SETX: variants seen among roughly 807,000 people sequenced by gnomAD.
SETX encodes helicase senataxin.
SETX carries 90 observed loss-of-function variants against 227.2 expected under a neutral mutation model. The ratio of observed to expected loss-of-function variants is 0.40; its 90% CI spans 0.33 to 0.47. SETX has a LOEUF of 0.47. SETX is among the 20% of genes least tolerant of loss of function. The pLI is 0.91. For missense variants in SETX, 3,052 were observed against 3,181.5 expected, an observed-to-expected ratio of 0.96 and a Z score of 0.98; for synonymous variants, 1,210 against 1,113.2, an observed-to-expected ratio of 1.09 and a Z score of -1.73.
rs373142566 is a variant in SETX at position 132,264,557 on chromosome 9, C to T, written c.7716G>A (p.Thr2572=). 20 of 1,614,076 alleles carry T rather than the reference C, an allele frequency of 1.2e-5. No individual in the cohort carries two copies. The African/African-American group carries it at 1.6e-4, about 13-fold the overall frequency. Reference sequence around the variant, plus strand: ...GAACGACAGGGAAGCCCGGCTCGCCCGTAGGAGGTGTTGCTCCAGGATGCT... The same window carrying T: ...GAACGACAGGGAAGCCCGGCTCGCCTGTAGGAGGTGTTGCTCCAGGATGCT... ...SPQHPGATPP[T]GEPGFPVVHQ... The change falls in exon 26 of 26, where the codon ACG becomes ACA. Residue 2572 remains threonine, a synonymous_variant. Coordinates refer to ENST00000224140, the MANE Select transcript of SETX (RefSeq NM_015046.7).
At chr9:132,316,097 C>CT (rs1457619373) in intron 10 of SETX, among the ~76,000 whole-genome samples, 1 of 152,176 alleles carries the variant, frequency 6.6e-6, no homozygotes, top group Non-Finnish European at 1.5e-5. Context: ...AAATGACATC[C>CT]TAAGACATAG....
chr9:132,352,494 G>GT (rs1473144739), intron 2 of SETX, among the ~76,000 whole-genome samples: 6 of 152,176 alleles, frequency 3.9e-5, no homozygotes, highest in African/African-American at 1.4e-4. Context: ...GCTCACACCT[G>GT]TAATTCCAGC....
chr9:132,295,438 G>A (rs1844612627), intron 15 of SETX, among the ~76,000 whole-genome samples: 1 of 152,146 alleles, frequency 6.6e-6, no homozygotes. Flanking sequence ...AACCATCTGA[G>A]GCTCTCTTGC....
Position 132,311,745 on chromosome 9 carries a change from G to C in SETX, c.5374+12C>G. On this transcript the variant is annotated intron_variant, in intron 11 of 25. Transcript: ENST00000224140. ...ATATCATATATTCCAAGTTGCGTAA[G>C]AAAAAACTTACCTGCAAACTCCCAG... The C allele has an allele frequency of 6.3e-7, 1 of 1,584,984 alleles. No homozygotes were observed. The highest frequency in any genetic ancestry group is 8.7e-7 in the Non-Finnish European group (1 of 1,154,712).
At chr9:132,274,440 C>CTTT (rs1346968200) in intron 23 of SETX, among the ~76,000 whole-genome samples, 2 of 132,486 alleles carry the variant, frequency 1.5e-5, no homozygotes, top group Admixed American at 1.5e-4. Context: ...CTGATTTTTT[C>CTTT]TTTTTTTTTT....
rs1025015985 is a variant in SETX at position 132,302,890 on chromosome 9, C to T, written c.5375-2087G>A. Reference sequence around the variant, plus strand: ...AAAGAAAACGGTGTTTAAAAGCAGACCTGCAATCAAGATCAACTGATATTC... The same window carrying T: ...AAAGAAAACGGTGTTTAAAAGCAGATCTGCAATCAAGATCAACTGATATTC... On this transcript the variant is annotated intron_variant, in intron 11 of 25. Coordinates refer to ENST00000224140, the MANE Select transcript of SETX (RefSeq NM_015046.7). 2.0e-4 allele frequency among the ~76,000 whole-genome samples: 31 copies of T among 152,172 alleles called. No individual in the cohort carries two copies. In the South Asian group the frequency reaches 2.9e-3, roughly 14 times the overall value.
chr9:132,310,517 A>G (rs1845585823), intron 11 of SETX, among the ~76,000 whole-genome samples: 1 of 152,216 alleles, frequency 6.6e-6, no homozygotes, highest in Non-Finnish European at 1.5e-5. Flanking sequence ...CTATCCTTCA[A>G]AAGACCTGCT....
intron 15 of SETX, among the ~76,000 whole-genome samples, chr9:132,292,099 T>C (rs1807461851): frequency 6.6e-6 from 1 of 152,168 alleles, no homozygotes; most frequent in Admixed American, 6.5e-5. Flanking sequence ...CCTTATACTT[T>C]CCTACCCCTA....
Position 132,264,827 on chromosome 9 carries a change from C to G in SETX, c.7446G>C (p.Glu2482Asp), listed in dbSNP as rs748683260. The change falls in exon 26 of 26, where the codon GAG becomes GAC. Residue 2482 changes from glutamate (E) to aspartate (D), a missense_variant. Transcript: ENST00000224140. ...SLTHPPTIAPEGSRPQGGLPS... is the reference protein window; with the variant it reads ...SLTHPPTIAPDGSRPQGGLPS... ...GCAAACCACCCTGGGGTCTGGACCC[C>G]TCTGGGGCTATGGTAGGAGGGTGAG... The G allele has an allele frequency of 4.3e-6, 7 of 1,614,198 alleles. No individual in the cohort carries two copies. In the South Asian group the frequency reaches 7.7e-5, roughly 18 times the overall value.
At chr9:132,341,164 T>C (rs748594423) in intron 5 of SETX, among the ~76,000 whole-genome samples, 1 of 152,124 alleles carries the variant, frequency 6.6e-6, no homozygotes, top group Non-Finnish European at 1.5e-5. Context: ...CTGGCCAACC[T>C]GGTGAAACCC....
At chr9:132,344,482 T>TG (rs2131549111) in intron 4 of SETX, among the ~76,000 whole-genome samples, 2 of 152,308 alleles carry the variant, frequency 1.3e-5, no homozygotes, top group East Asian at 3.9e-4. Flanking sequence ...ATGTACCAAA[T>TG]GCAATGTGTG....
rs1367026412 is a variant in SETX at position 132,261,654 on chromosome 9, TCAG to T, written c.*2582_*2584del. The T allele has an allele frequency of 6.5e-6, 1 of 152,892 alleles. No individual in the cohort carries two copies. Among genetic ancestry groups the T allele is most frequent in the Non-Finnish European group, 1.5e-5 (1 of 68,210 alleles). The allele number at this position is 152,892 out of a possible 1,614,324, so 9.5% of individuals were successfully genotyped here. On this transcript the variant is annotated 3_prime_UTR_variant, in exon 26 of 26. Transcript: ENST00000224140. ...AATCTGCACAACTTTAAAAAATAGTTCAGTACATTTTTGTTATAAAATTCATTT... is the reference window on the plus strand; with the variant it reads ...AATCTGCACAACTTTAAAAAATAGTTTACATTTTTGTTATAAAATTCATTT...
At chr9:132,320,543 A>G (rs1385911003) in intron 10 of SETX, among the ~76,000 whole-genome samples, 2 of 135,228 alleles carry the variant, frequency 1.5e-5, no homozygotes, top group African/African-American at 5.5e-5. Flanking sequence ...GCAGTGAGCC[A>G]AGATCGCACC....
At position 132,342,651 on chromosome 9, in the gene SETX, G is replaced by C. The variant is rs1471786784; in HGVS notation, c.498+39C>G. 3.0e-6 allele frequency: 4 copies of C among 1,354,380 alleles called. No homozygotes were observed. In the Admixed American group the frequency reaches 5.0e-5, roughly 17 times the overall value. 83.9% of individuals were successfully genotyped at this position (1,354,380 alleles called of 1,614,324 possible). ...ATTATAGCTATCTATAGGTACAAAA[G>C]CACAATATACCCTTCTATCGCCCAA... On this transcript the variant is annotated intron_variant, in intron 5 of 25. Transcript: ENST00000224140.
At chr9:132,299,239 T>G (rs755275803) in intron 12 of SETX, among the ~76,000 whole-genome samples, 3 of 152,170 alleles carry the variant, frequency 2.0e-5, no homozygotes, top group Non-Finnish European at 4.4e-5. Context: ...TGGGAAAGAA[T>G]GAAGGAAGTG....
chr9:132,327,643 C>T lies in SETX; in HGVS notation c.3955G>A (p.Val1319Ile), dbSNP rs771168824. ...TTAGTCTTTTTTCGGGTATCAACTA[C>T]TCCAACAGTTTTGCCATGATCACGT... ...QLRDHGKTVG[V>I]VDTRKKTKLI... Residue 1319 changes from valine to isoleucine, a missense_variant, in exon 10 of 26, where the codon GTA becomes ATA. Val to Ile is a conservative substitution (Grantham distance 29). This residue lies in a region of SETX where 1,483 missense variants were observed against 1,312.0 expected (regional missense o/e 1.13). Coordinates refer to ENST00000224140, the MANE Select transcript of SETX (RefSeq NM_015046.7). The T allele has an allele frequency of 2.5e-6, 4 of 1,613,838 alleles. No individual in the cohort carries two copies. Among genetic ancestry groups the T allele is most frequent in the Non-Finnish European group, 3.4e-6 (4 of 1,179,976 alleles).
At chr9:132,272,946 C>T (rs1371449911) in intron 23 of SETX, among the ~76,000 whole-genome samples, 1 of 152,122 alleles carries the variant, frequency 6.6e-6, no homozygotes, top group African/African-American at 2.4e-5. Context: ...GAAATGGTCA[C>T]GCTGATACTA....
Position 132,264,669 on chromosome 9 carries a change from TGGTCATGAACAGGA to T in SETX, c.7590_7603del (p.Pro2531ThrfsTer13). On this transcript the variant is annotated frameshift_variant, in exon 26 of 26. Coordinates refer to ENST00000224140, the MANE Select transcript of SETX (RefSeq NM_015046.7). LOFTEE classifies it low-confidence loss of function (END_TRUNC). ...CTTCAGCAGTCGTGGGTCCTGAAGTTGGTCATGAACAGGAGGTCTTTCAGGGTCCTTTGAAGTAA... is the reference window on the plus strand; with the variant it reads ...CTTCAGCAGTCGTGGGTCCTGAAGTTGGTCTTTCAGGGTCCTTTGAAGTAA... 1 of 1,614,234 alleles carries T rather than the reference TGGTCATGAACAGGA, an allele frequency of 6.2e-7. No individual in the cohort carries two copies. The highest frequency in any genetic ancestry group is 8.5e-7 in the Non-Finnish European group (1 of 1,180,040).
chr9:132,326,956 T>G lies in SETX; in HGVS notation c.4642A>C (p.Lys1548Gln). 1.2e-6 allele frequency: 2 copies of G among 1,614,232 alleles called. No individual in the cohort carries two copies. ...TCAAGACAATCTTTGTACTTACACT[T>G]TGTGCCACTCAAAGATTCCAACTGA... The part of the protein sequence containing the change: ...RPQLESLSGT[K>Q]CKYKDCLETT... The change falls in exon 10 of 26, where the codon AAG (lysine) becomes CAG (glutamine). Residue 1548 changes from lysine to glutamine, a missense_variant. Physicochemically the swap from Lys to Gln is moderately conservative, Grantham distance 53 (BLOSUM62 1). Coordinates refer to ENST00000224140, the MANE Select transcript of SETX (RefSeq NM_015046.7).
Sources: gnomAD v4.1 joint callset for allele counts (sites outside exome capture counted in the v4.1 genomes callset) on GRCh38, gnomAD v4.1.1 for gene constraint, gnomAD v4.1.1 regional missense constraint, MANE v1.5 for transcripts, NCBI Gene and HGNC (gene_info 2026-07-23, HGNC 2026-07-21) for gene names.